Variants in SDK1 observed in about 807,000 individuals in gnomAD.
SDK1 encodes the protein sidekick cell adhesion molecule 1, also known as protein sidekick-1.
Under a neutral mutation model 245.5 loss-of-function variants are expected in SDK1, and 157 were observed. That is an observed-to-expected ratio of 0.64 (90% CI 0.56 to 0.73). SDK1 has a LOEUF of 0.73. SDK1 is among the 30% of genes least tolerant of loss of function. The pLI is 0.00. For missense variants in SDK1, 3,583 were observed against 3,002.3 expected, an observed-to-expected ratio of 1.19 and a Z score of -4.52; for synonymous variants, 1,647 against 1,278.5, an observed-to-expected ratio of 1.29 and a Z score of -6.15.
intron 5 of SDK1, among the ~76,000 whole-genome samples, chr7:3,882,525 T>A (rs1409973409): frequency 1.3e-5 from 2 of 152,200 alleles, no homozygotes; most frequent in Admixed American, 6.5e-5. Flanking sequence ...ATACCTCCAT[T>A]TGGATTCTAC....
chr7:3,709,859 G>A (rs913767055), intron 4 of SDK1, among the ~76,000 whole-genome samples: 5 of 152,190 alleles, frequency 3.3e-5, no homozygotes, highest in African/African-American at 1.2e-4. Context: ...CCTGCTGTTT[G>A]TCATCAAGGC....
chr7:3,352,499 T>C (rs1196971242), intron 1 of SDK1, among the ~76,000 whole-genome samples: 1 of 152,140 alleles, frequency 6.6e-6, no homozygotes, highest in African/African-American at 2.4e-5. Context: ...AGGCTGTGGC[T>C]CCTGTTTTTA....
chr7:3,957,771 A>C (rs1781388517), intron 7 of SDK1, among the ~76,000 whole-genome samples: 1 of 152,240 alleles, frequency 6.6e-6, no homozygotes, highest in African/African-American at 2.4e-5. Context: ...ATGAGCTTGA[A>C]AAAGGTAGAC....
intron 1 of SDK1, among the ~76,000 whole-genome samples, chr7:3,579,014 A>G (rs926999153): frequency 2.0e-5 from 3 of 151,928 alleles, no homozygotes; most frequent in African/African-American, 7.2e-5. Context: ...ATGTCCTTGA[A>G]ATCTTCACAA....
At chr7:3,417,879 G>A (rs912246894) in intron 1 of SDK1, among the ~76,000 whole-genome samples, 1 of 152,122 alleles carries the variant, frequency 6.6e-6, no homozygotes, top group African/African-American at 2.4e-5. Context: ...GTTTTACAAA[G>A]AATAGTTTTA....
chr7:3,964,340 C>T (rs1781929164), intron 9 of SDK1, among the ~76,000 whole-genome samples: 1 of 152,184 alleles, frequency 6.6e-6, no homozygotes, highest in South Asian at 2.1e-4. Context: ...GTTGCCTCTT[C>T]CCGCACTAAG....
intron 5 of SDK1, among the ~76,000 whole-genome samples, chr7:3,922,878 T>A (rs1779642068): frequency 6.6e-6 from 1 of 152,236 alleles, no homozygotes; most frequent in Admixed American, 6.5e-5. Flanking sequence ...CTTCTGGAAT[T>A]CCTACTGTGC....
chr7:4,090,210 A>T (rs117801617), intron 22 of SDK1, among the ~76,000 whole-genome samples: 2,909 of 152,216 alleles, frequency 0.019, 51 homozygotes, highest in Admixed American at 0.048. Flanking sequence ...CCCACTTTAC[A>T]ATTAATCAGT....
chr7:3,731,042 C>T (rs1212618686), intron 4 of SDK1, among the ~76,000 whole-genome samples: 1 of 152,116 alleles, frequency 6.6e-6, no homozygotes, highest in African/African-American at 2.4e-5. Context: ...TAACAAAACC[C>T]CTCTCAAATT....
intron 1 of SDK1, among the ~76,000 whole-genome samples, chr7:3,343,252 C>T (rs1316888944): frequency 6.6e-6 from 1 of 152,116 alleles, no homozygotes; most frequent in Non-Finnish European, 1.5e-5. Context: ...ATAAATACCC[C>T]TACACAGGAA....
chr7:3,450,268 G>A (rs573759428), intron 1 of SDK1, among the ~76,000 whole-genome samples: 1 of 152,182 alleles, frequency 6.6e-6, no homozygotes, highest in Non-Finnish European at 1.5e-5. Flanking sequence ...TAAGGTGACT[G>A]GTTTTGTCTT....
chr7:3,620,114 T>C (rs1781890189), intron 2 of SDK1, among the ~76,000 whole-genome samples: 3 of 152,058 alleles, frequency 2.0e-5, no homozygotes, highest in African/African-American at 7.2e-5. Flanking sequence ...TATAGAGGCA[T>C]TTTAAGTGGA....
intron 1 of SDK1, among the ~76,000 whole-genome samples, chr7:3,504,144 C>A (rs1782309359): frequency 1.4e-5 from 2 of 139,406 alleles, no homozygotes; most frequent in Admixed American, 7.5e-5. Context: ...AGCGAGACTC[C>A]TTCTCAAAAA....
chr7:3,825,051 C>A (rs765889185), intron 5 of SDK1, among the ~76,000 whole-genome samples: 1 of 152,060 alleles, frequency 6.6e-6, no homozygotes, highest in Non-Finnish European at 1.5e-5. Flanking sequence ...TGATGTGAAG[C>A]CAGCAGATGT....
chr7:3,875,484 C>T (rs1291633937), intron 5 of SDK1, among the ~76,000 whole-genome samples: 5 of 152,240 alleles, frequency 3.3e-5, no homozygotes, highest in Admixed American at 6.5e-5. Flanking sequence ...GAAAGGCTCT[C>T]GGAGCGAGTT....
At chr7:3,826,791 C>T (rs1779786959) in intron 5 of SDK1, among the ~76,000 whole-genome samples, 1 of 152,188 alleles carries the variant, frequency 6.6e-6, no homozygotes, top group South Asian at 2.1e-4. Context: ...AACATTGAAA[C>T]TTAGTTTCCT....
intron 22 of SDK1, among the ~76,000 whole-genome samples, chr7:4,098,645 G>A (rs1300650460): frequency 6.6e-6 from 1 of 151,630 alleles, no homozygotes; most frequent in Non-Finnish European, 1.5e-5. Flanking sequence ...TGAGAGGGAG[G>A]ATGGAAATGT....
intron 30 of SDK1, among the ~76,000 whole-genome samples, chr7:4,156,237 G>C (rs1465235850): frequency 6.6e-6 from 1 of 152,178 alleles, no homozygotes; most frequent in Non-Finnish European, 1.5e-5. Flanking sequence ...GGGTGGCGCA[G>C]GGGGAGGAGG....
chr7:3,529,108 G>C (rs1188385154), intron 1 of SDK1, among the ~76,000 whole-genome samples: 1 of 152,140 alleles, frequency 6.6e-6, no homozygotes, highest in Non-Finnish European at 1.5e-5. Context: ...AATGTGGAAA[G>C]GGGAAAGATT....
Sources: gnomAD v4.1 joint callset for allele counts (sites outside exome capture counted in the v4.1 genomes callset) on GRCh38, gnomAD v4.1.1 for gene constraint, MANE v1.5 for transcripts, NCBI Gene and HGNC (gene_info 2026-07-23, HGNC 2026-07-21) for gene names.